GK5: variants seen among roughly 807,000 people sequenced by gnomAD.
The protein encoded by GK5 is ATP:glycerol 3-phosphotransferase 5.
In GK5, 39 loss-of-function variants were observed where a neutral mutation model predicts 77.3. That is an observed-to-expected ratio of 0.50 (90% CI 0.39 to 0.66). GK5 has a LOEUF of 0.66. Among genes scored for constraint, GK5 ranks in the 30% least tolerant of loss-of-function variants. The pLI, the probability that GK5 is intolerant of heterozygous loss-of-function variation, is 0.00. For synonymous variants in GK5, 211 were observed against 208.0 expected (o/e 1.01, Z -0.13); for missense variants, 487 against 633.8 (o/e 0.77, Z 2.49).
intron 15 of GK5, among the ~76,000 whole-genome samples, chr3:142,168,508 T>C (rs780754616): frequency 1.3e-5 from 2 of 152,236 alleles, no homozygotes; most frequent in Non-Finnish European, 2.9e-5. Context: ...TTTAATGTAC[T>C]ATTAGCCTAA....
At chr3:142,198,175 G>T (rs1002101404) in intron 5 of GK5, among the ~76,000 whole-genome samples, 1 of 151,984 alleles carries the variant, frequency 6.6e-6, no homozygotes, top group African/African-American at 2.4e-5. Flanking sequence ...GAATAGAATA[G>T]ACAATAAACT....
Position 142,177,478 on chromosome 3 carries a change from A to C in GK5, c.1143+4T>G, listed in dbSNP as rs1222130536. The C allele has an allele frequency of 6.5e-7, 1 of 1,543,126 alleles. No homozygotes were observed. The highest frequency in any genetic ancestry group is 1.8e-5 in the Admixed American group (1 of 54,118). ...GATTGCCATTAACTTTAAAAAATAC[A>C]TACCTGTAATCCACTAAAAGATGGA... On this transcript the variant is annotated splice_donor_region_variant and intron_variant, in intron 12 of 15. Transcript: ENST00000392993.
intron 1 of GK5, among the ~76,000 whole-genome samples, chr3:142,218,957 GA>G (rs1466602821): frequency 6.6e-6 from 1 of 152,132 alleles, no homozygotes; most frequent in Non-Finnish European, 1.5e-5. Context: ...CTCCACTAAA[GA>G]AAACATGTGG....
At chr3:142,208,932 G>A (rs774747242) in intron 3 of GK5, among the ~76,000 whole-genome samples, 6 of 152,162 alleles carry the variant, frequency 3.9e-5, no homozygotes, top group East Asian at 1.9e-4. Context: ...GGCGGATCAC[G>A]AGGTCAGGAA....
At chr3:142,213,847 A>G (rs2064233191) in intron 2 of GK5, among the ~76,000 whole-genome samples, 1 of 152,034 alleles carries the variant, frequency 6.6e-6, no homozygotes. Flanking sequence ...TTTTGAGACA[A>G]AGTGTCACTC....
At chr3:142,208,685 A>G (rs1001070511) in intron 3 of GK5, among the ~76,000 whole-genome samples, 1 of 152,234 alleles carries the variant, frequency 6.6e-6, no homozygotes, top group African/African-American at 2.4e-5. Context: ...CTGATGTTCA[A>G]TCACTGGTTT....
At chr3:142,211,763 C>T (rs546331664) in intron 3 of GK5, among the ~76,000 whole-genome samples, 1 of 152,280 alleles carries the variant, frequency 6.6e-6, no homozygotes, top group South Asian at 2.1e-4. Flanking sequence ...CACTGCACTC[C>T]AGCCTAGGTA....
In GK5 at chr3:142,187,708, T is replaced by C; in HGVS notation, c.615A>G (p.Thr205=). The change falls in exon 6 of 16, where the codon ACA becomes ACG. Residue 205 remains threonine, a synonymous_variant. Transcript: ENST00000392993. ...TIDTWLLYKL[T]KGSVYATDFS... Reference sequence around the variant, plus strand: ...GATCTTTCAGGTCATCTTTACCTTTTGTGAGCTTATATAACAACCAGGTAT... The same window carrying C: ...GATCTTTCAGGTCATCTTTACCTTTCGTGAGCTTATATAACAACCAGGTAT... The C allele has an allele frequency of 1.2e-6, 2 of 1,605,822 alleles. No homozygotes were observed. The highest frequency in any genetic ancestry group is 1.7e-6 in the Non-Finnish European group (2 of 1,174,300).
chr3:142,162,214 AAAG>A lies in GK5; in HGVS notation c.*3405_*3407del, dbSNP rs2063430895. ...CCTAAGGTAAAATGAGGCAGAAAGA[AAAG>A]GAGTATGACACTATATTCACTGAGT... On this transcript the variant is annotated 3_prime_UTR_variant, in exon 16 of 16. Coordinates refer to ENST00000392993, the MANE Select transcript of GK5 (RefSeq NM_001039547.3). 1 of 152,224 alleles carries A rather than the reference AAAG, an allele frequency of 6.6e-6. No homozygotes were observed. The highest frequency in any genetic ancestry group is 2.1e-4 in the South Asian group (1 of 4,834). 9.4% of individuals were successfully genotyped at this position (152,224 alleles called of 1,614,324 possible). A position where few individuals can be genotyped will look rare whatever the true frequency, so the allele number is the denominator to read the frequency against.
chr3:142,189,785 CT>C (rs1342699087), intron 5 of GK5, among the ~76,000 whole-genome samples: 2 of 152,170 alleles, frequency 1.3e-5, no homozygotes, highest in Non-Finnish European at 2.9e-5. Context: ...TTTGAATCAT[CT>C]CAATTATTAA....
chr3:142,195,010 T>C (rs1577130410), intron 5 of GK5, among the ~76,000 whole-genome samples: 1 of 151,586 alleles, frequency 6.6e-6, no homozygotes, highest in Admixed American at 6.6e-5. Context: ...CGGCTGTGGG[T>C]TTTTCAAAGA....
At chr3:142,187,604 CAAA>C (rs57206350) in intron 6 of GK5, 97 bp downstream of exon 6, 6,767 of 640,960 alleles carry the variant, frequency 0.011, no homozygotes, top group Admixed American at 0.015. Context: ...GACCCTAGCT[CAAA>C]AAAAAAAAAA....
At chr3:142,217,773 C>T (rs567599730) in intron 1 of GK5, among the ~76,000 whole-genome samples, 1 of 152,162 alleles carries the variant, frequency 6.6e-6, no homozygotes, top group African/African-American at 2.4e-5. Flanking sequence ...TTCACATATA[C>T]AGAACAAAAA....
rs999099000 is a variant in GK5, at chr3:142,159,453, A to C, written c.*6169T>G. ...TGGGGAAAGACAGTAGAAATAGAAT[A>C]ACAGAGAATTTCAGAAATATCTGAT... On this transcript the variant is annotated 3_prime_UTR_variant, in exon 16 of 16. Coordinates refer to ENST00000392993, the MANE Select transcript of GK5 (RefSeq NM_001039547.3). The C allele has an allele frequency of 6.6e-6, 1 of 152,196 alleles. No homozygotes were observed. Among genetic ancestry groups the C allele is most frequent in the Admixed American group, 6.5e-5 (1 of 15,272 alleles). The allele number at this position is 152,196 out of a possible 1,614,324, so 9.4% of individuals were successfully genotyped here. A position where few individuals can be genotyped will look rare whatever the true frequency, so the allele number is the denominator to read the frequency against.
rs2064291916 is a variant in GK5, at chr3:142,217,748, T to G, written c.148-2056A>C. ...AATGCTGAAAACTAAAAGCAAAAAG[T>G]TTGAAACCAGACATTTCACATATAC... On this transcript the variant is annotated intron_variant, in intron 1 of 15. Transcript: ENST00000392993. 1.3e-5 allele frequency among the ~76,000 whole-genome samples: 2 copies of G among 152,144 alleles called. 1 individual carries two copies. Among genetic ancestry groups the G allele is most frequent in the South Asian group, 4.1e-4 (2 of 4,826 alleles).
intron 2 of GK5, among the ~76,000 whole-genome samples, chr3:142,214,502 C>T (rs1457123512): frequency 1.3e-5 from 2 of 152,112 alleles, no homozygotes; most frequent in African/African-American, 2.4e-5. Context: ...GAGAAAAACA[C>T]ATCAACTCCC....
At chr3:142,198,301 A>C (rs754617198) in intron 5 of GK5, among the ~76,000 whole-genome samples, 26 of 152,102 alleles carry the variant, frequency 1.7e-4, no homozygotes, top group Non-Finnish European at 3.7e-4. Flanking sequence ...TCTGACACAA[A>C]AGAATTCCAC....
chr3:142,167,994 A>AGAGG (rs1269567986), intron 15 of GK5, among the ~76,000 whole-genome samples: 3 of 152,070 alleles, frequency 2.0e-5, no homozygotes, highest in Middle Eastern at 3.2e-3. Context: ...CCTAGGCAAC[A>AGAGG]GAGGGAGACT....
At chr3:142,189,089 T>C (rs1264387273) in intron 5 of GK5, among the ~76,000 whole-genome samples, 1 of 152,160 alleles carries the variant, frequency 6.6e-6, no homozygotes, top group Non-Finnish European at 1.5e-5. Flanking sequence ...ATAGCTTCCA[T>C]TTAGCCATTA....
Sources: allele counts gnomAD v4.1 joint callset (sites outside exome capture counted in the v4.1 genomes callset), GRCh38; gene constraint gnomAD v4.1.1; transcripts MANE v1.5; gene names NCBI Gene and HGNC (gene_info 2026-07-23, HGNC 2026-07-21).